Variants in KCNQ3 observed in about 807,000 individuals in gnomAD.
The protein encoded by KCNQ3 is potassium voltage-gated channel subfamily Q member 3, also known as potassium voltage-gated channel subfamily KQT member 3.
In KCNQ3, 30 loss-of-function variants were observed where a neutral mutation model predicts 92.5. The observed-to-expected ratio is 0.32, with a 90% CI of 0.24 to 0.44. The LOEUF (loss-of-function observed/expected upper bound fraction) is 0.44, where lower values mean the gene tolerates loss of function less well. Among genes scored for constraint, KCNQ3 ranks in the 20% least tolerant of loss-of-function variants. The pLI is 1.00. For synonymous variants in KCNQ3, 450 were observed against 468.8 expected, an observed-to-expected ratio of 0.96 and a Z score of 0.52; for missense variants, 913 against 1,140.3, an observed-to-expected ratio of 0.80 and a Z score of 2.87.
At chr8:132,161,488 C>T (rs1023224158) in intron 9 of KCNQ3, among the ~76,000 whole-genome samples, 1 of 151,912 alleles carries the variant, frequency 6.6e-6, no homozygotes, top group African/African-American at 2.4e-5. Flanking sequence ...AAAAATTAGC[C>T]GGGTGTGGTG....
At chr8:132,130,590 C>A (rs963933354) in intron 14 of KCNQ3, among the ~76,000 whole-genome samples, 2 of 152,194 alleles carry the variant, frequency 1.3e-5, no homozygotes, top group Admixed American at 6.5e-5. Flanking sequence ...TACAGGCCTG[C>A]TGTGTCCCCT....
At chr8:132,131,978 C>A (rs1468341466) in intron 14 of KCNQ3, among the ~76,000 whole-genome samples, 1 of 151,990 alleles carries the variant, frequency 6.6e-6, no homozygotes, top group Non-Finnish European at 1.5e-5. Flanking sequence ...ATCTCAGCTC[C>A]TCAGGAGGCT....
At chr8:132,154,205 T>TTTTTTTTTTTG (rs1465369582) in intron 9 of KCNQ3, among the ~76,000 whole-genome samples, 1 of 141,918 alleles carries the variant, frequency 7.0e-6, no homozygotes, top group Non-Finnish European at 1.5e-5. Flanking sequence ...TTTTTTTTTT[T>TTTTTTTTTTTG]TTTTTTTTTT....
chr8:132,186,443 T>C (rs1826959600), intron 1 of KCNQ3: 5 of 433,048 alleles, frequency 1.2e-5, no homozygotes, highest in Non-Finnish European at 2.2e-5. Context: ...AATCAGCTAG[T>C]TAGAATTTAA....
intron 1 of KCNQ3, among the ~76,000 whole-genome samples, chr8:132,355,357 G>A (rs1018995671): frequency 1.3e-5 from 2 of 151,960 alleles, no homozygotes; most frequent in Non-Finnish European, 2.9e-5. Flanking sequence ...CCACCCTGAT[G>A]ACTGAAGGAG....
intron 1 of KCNQ3, among the ~76,000 whole-genome samples, chr8:132,406,510 AC>A (rs777571411): frequency 1.3e-5 from 2 of 151,762 alleles, no homozygotes; most frequent in Non-Finnish European, 2.9e-5. Context: ...AGCCCCACTC[AC>A]TCAGCACAAA....
chr8:132,478,151 C>A (rs1822457827), intron 1 of KCNQ3, among the ~76,000 whole-genome samples: 1 of 152,076 alleles, frequency 6.6e-6, no homozygotes, highest in South Asian at 2.1e-4. Context: ...TTCCTGGATC[C>A]TTTTTGGGAA....
At chr8:132,429,400 C>T (rs1482472785) in intron 1 of KCNQ3, among the ~76,000 whole-genome samples, 6 of 152,174 alleles carry the variant, frequency 3.9e-5, no homozygotes, top group Admixed American at 6.5e-5. Flanking sequence ...CCCATGGCCA[C>T]GGTCATCTAG....
chr8:132,390,784 C>T (rs1820030333), intron 1 of KCNQ3, among the ~76,000 whole-genome samples: 1 of 152,182 alleles, frequency 6.6e-6, no homozygotes, highest in Non-Finnish European at 1.5e-5. Flanking sequence ...TTTACCGGCA[C>T]ATTTTAAGTA....
In KCNQ3 at chr8:132,128,251, G is replaced by T. The variant is rs967441767; in HGVS notation, c.*1011C>A. ...TCTATGGGACAACTGAGTGACTCTG[G>T]GTATGTCACTTTACCTGAGCCTAAG... On this transcript the variant is annotated 3_prime_UTR_variant, in exon 15 of 15. Coordinates refer to ENST00000388996, the MANE Select transcript of KCNQ3 (RefSeq NM_004519.4). 6.6e-6 allele frequency: 1 copy of T among 152,106 alleles called. No homozygotes were observed. Among genetic ancestry groups the T allele is most frequent in the Non-Finnish European group, 1.5e-5 (1 of 68,006 alleles). The allele number at this position is 152,106 out of a possible 1,614,324, so 9.4% of individuals were successfully genotyped here. A position where few individuals can be genotyped will look rare whatever the true frequency, so the allele number is the denominator to read the frequency against.
At chr8:132,174,419 C>G in intron 5 of KCNQ3, 70 bp from the exon 6 acceptor site, 1 of 1,186,500 alleles carries the variant, frequency 8.4e-7, no homozygotes. Flanking sequence ...TAACTGAGCT[C>G]TACCTGTAAG....
intron 1 of KCNQ3, among the ~76,000 whole-genome samples, chr8:132,260,729 T>G (rs1212604240): frequency 6.6e-6 from 1 of 152,132 alleles, no homozygotes; most frequent in Non-Finnish European, 1.5e-5. Context: ...TTTTCATTTA[T>G]CAACTTCTGC....
At chr8:132,154,065 G>A (rs1362406888) in intron 9 of KCNQ3, among the ~76,000 whole-genome samples, 1 of 151,698 alleles carries the variant, frequency 6.6e-6, no homozygotes, top group Non-Finnish European at 1.5e-5. Flanking sequence ...CTGTATTATG[G>A]GACACTCCCT....
intron 1 of KCNQ3, among the ~76,000 whole-genome samples, chr8:132,367,917 T>C (rs1819368071): frequency 6.6e-6 from 1 of 152,188 alleles, no homozygotes; most frequent in South Asian, 2.1e-4. Context: ...AGGTGATTAT[T>C]GAAAACTTAC....
chr8:132,431,389 A>T (rs2130824318), intron 1 of KCNQ3, among the ~76,000 whole-genome samples: 1 of 152,240 alleles, frequency 6.6e-6, no homozygotes, highest in South Asian at 2.1e-4. Flanking sequence ...GTTCCAGTAA[A>T]ACGCCCATCC....
intron 1 of KCNQ3, chr8:132,278,347 T>C: frequency 2.9e-6 from 1 of 350,876 alleles, no homozygotes; most frequent in Non-Finnish European, 4.0e-6. Flanking sequence ...ACAAGATTAA[T>C]CCCACAATCA....
At chr8:132,437,775 G>C (rs567633517) in intron 1 of KCNQ3, among the ~76,000 whole-genome samples, 14 of 152,212 alleles carry the variant, frequency 9.2e-5, no homozygotes, top group Admixed American at 8.5e-4. Context: ...CTCTGTCCCA[G>C]GCCCCAAATA....
intron 1 of KCNQ3, among the ~76,000 whole-genome samples, chr8:132,383,776 C>CT (rs1379783538): frequency 1.3e-5 from 2 of 152,252 alleles, no homozygotes; most frequent in South Asian, 4.2e-4. Context: ...CTGTAGATGA[C>CT]TTTTTTCCTG....
At chr8:132,188,380 A>G (rs550682465) in intron 1 of KCNQ3, among the ~76,000 whole-genome samples, 1 of 152,350 alleles carries the variant, frequency 6.6e-6, no homozygotes, top group South Asian at 2.1e-4. Flanking sequence ...GCAAGTCCAC[A>G]TTATGATTCT....
Sources: gnomAD v4.1 joint callset for allele counts (sites outside exome capture counted in the v4.1 genomes callset) on GRCh38, gnomAD v4.1.1 for gene constraint, MANE v1.5 for transcripts, NCBI Gene and HGNC (gene_info 2026-07-23, HGNC 2026-07-21) for gene names.